CHCHD3: variants seen among roughly 807,000 people sequenced by gnomAD.
The protein encoded by CHCHD3 is MICOS complex subunit MIC19.
CHCHD3 carries 20 observed loss-of-function variants against 38.2 expected under a neutral mutation model. The observed-to-expected ratio is 0.52, with a 90% CI of 0.37 to 0.76. The LOEUF (loss-of-function observed/expected upper bound fraction) is 0.76, where lower values mean the gene tolerates loss of function less well. Among genes scored for constraint, CHCHD3 ranks in the 30% least tolerant of loss-of-function variants. The pLI is 0.00. For synonymous variants in CHCHD3, 82 were observed against 100.0 expected (o/e 0.82, Z 1.07); for missense variants, 245 against 279.2 (o/e 0.88, Z 0.87).
At chr7:133,049,190 A>G (rs1056381061) in intron 2 of CHCHD3, among the ~76,000 whole-genome samples, 1 of 152,230 alleles carries the variant, frequency 6.6e-6, no homozygotes, top group Admixed American at 6.5e-5. Flanking sequence ...AATTGCAGAC[A>G]TGATGCCTTT....
intron 4 of CHCHD3, among the ~76,000 whole-genome samples, chr7:132,886,695 A>G (rs549061980): frequency 1.6e-5 from 1 of 62,946 alleles, no homozygotes; most frequent in Admixed American, 2.3e-4. Flanking sequence ...CACACACTAT[A>G]TATAGATATA....
At chr7:132,813,759 G>A (rs1251676323) in intron 6 of CHCHD3, among the ~76,000 whole-genome samples, 1 of 152,186 alleles carries the variant, frequency 6.6e-6, no homozygotes, top group Non-Finnish European at 1.5e-5. Flanking sequence ...CATGAAGCTT[G>A]AAGGTACCCA....
chr7:132,889,692 T>C (rs1188230336), intron 4 of CHCHD3, among the ~76,000 whole-genome samples: 3 of 152,112 alleles, frequency 2.0e-5, no homozygotes, highest in Non-Finnish European at 4.4e-5. Flanking sequence ...GTAAGAAACA[T>C]GGCCACAACA....
chr7:132,987,931 A>G (rs1357717313), intron 3 of CHCHD3, among the ~76,000 whole-genome samples: 1 of 152,148 alleles, frequency 6.6e-6, no homozygotes, highest in Non-Finnish European at 1.5e-5. Flanking sequence ...TTAATAAATA[A>G]TAAATATATT....
At chr7:133,060,244 C>T (rs1361923452) in intron 2 of CHCHD3, among the ~76,000 whole-genome samples, 7 of 152,134 alleles carry the variant, frequency 4.6e-5, no homozygotes, top group Non-Finnish European at 1.0e-4. Flanking sequence ...TCTATAACGG[C>T]CTTGGCAAAG....
chr7:132,991,293 T>C (rs1413156233), intron 3 of CHCHD3, among the ~76,000 whole-genome samples: 1 of 152,182 alleles, frequency 6.6e-6, no homozygotes, highest in Non-Finnish European at 1.5e-5. Flanking sequence ...CATATTTCTT[T>C]CTGTTTGGCA....
At chr7:133,069,329 T>C (rs1467359334) in intron 2 of CHCHD3, among the ~76,000 whole-genome samples, 1 of 151,806 alleles carries the variant, frequency 6.6e-6, no homozygotes, top group African/African-American at 2.4e-5. Context: ...GGGGTCACAA[T>C]TGGCCCAAGT....
intron 4 of CHCHD3, among the ~76,000 whole-genome samples, chr7:132,901,012 GA>G (rs1409224771): frequency 1.3e-5 from 2 of 151,970 alleles, no homozygotes; most frequent in Non-Finnish European, 2.9e-5. Context: ...AACAGAGAGA[GA>G]AAAAAAGAAA....
intron 3 of CHCHD3, among the ~76,000 whole-genome samples, chr7:132,998,257 G>A (rs1320941205): frequency 6.6e-6 from 1 of 152,182 alleles, no homozygotes; most frequent in Non-Finnish European, 1.5e-5. Flanking sequence ...AGTTTAGGCT[G>A]CAATGAAATA....
intron 3 of CHCHD3, among the ~76,000 whole-genome samples, chr7:132,979,063 A>C (rs1811847090): frequency 6.6e-6 from 1 of 152,236 alleles, no homozygotes; most frequent in Admixed American, 6.5e-5. Context: ...TGTACAATCT[A>C]ATAAGCCTCA....
chr7:132,803,845 G>A (rs1471595789), intron 6 of CHCHD3, among the ~76,000 whole-genome samples: 1 of 144,010 alleles, frequency 6.9e-6, no homozygotes, highest in East Asian at 2.3e-4. Context: ...AATCTGGCAG[G>A]TGGAGAAAAA....
chr7:132,787,480 C>A (rs1354091867), intron 7 of CHCHD3, among the ~76,000 whole-genome samples: 3 of 151,796 alleles, frequency 2.0e-5, no homozygotes, highest in Admixed American at 6.6e-5. Context: ...ATGGGGCCAC[C>A]AAGAGAAACA....
At chr7:132,953,532 G>A (rs1037295198) in intron 4 of CHCHD3, among the ~76,000 whole-genome samples, 1 of 152,156 alleles carries the variant, frequency 6.6e-6, no homozygotes, top group East Asian at 1.9e-4. Context: ...GTCCACAGCT[G>A]AGCCTCCCTG....
chr7:132,800,987 T>C (rs1020522268), intron 6 of CHCHD3, among the ~76,000 whole-genome samples: 5 of 152,218 alleles, frequency 3.3e-5, no homozygotes, highest in Non-Finnish European at 5.9e-5. Flanking sequence ...GTCTAATTCC[T>C]ATAGCACAAT....
chr7:133,057,000 A>G (rs777130426), intron 2 of CHCHD3, among the ~76,000 whole-genome samples: 25 of 152,114 alleles, frequency 1.6e-4, no homozygotes, highest in Non-Finnish European at 8.8e-5. Flanking sequence ...TCCATTTCCC[A>G]TGTGAAGAAC....
At chr7:132,810,135 CATG>C (rs535877097) in intron 6 of CHCHD3, among the ~76,000 whole-genome samples, 55 of 152,320 alleles carry the variant, frequency 3.6e-4, no homozygotes, top group African/African-American at 1.3e-3. Context: ...ACTAATCACA[CATG>C]ATAACATTAT....
chr7:132,965,665 T>C (rs953840020), intron 4 of CHCHD3, among the ~76,000 whole-genome samples: 2 of 152,166 alleles, frequency 1.3e-5, no homozygotes, highest in Non-Finnish European at 2.9e-5. Context: ...AATATGTGCA[T>C]ACACTGGGCT....
At chr7:133,009,319 G>A (rs12707069) in intron 3 of CHCHD3, among the ~76,000 whole-genome samples, 52,395 of 145,796 alleles carry the variant, frequency 0.36, 9,585 homozygotes, top group Admixed American at 0.41. Flanking sequence ...AGCCAAGATC[G>A]CGCCACTGCA....
At chr7:133,034,210 G>T (rs547316967) in intron 2 of CHCHD3, among the ~76,000 whole-genome samples, 5 of 152,100 alleles carry the variant, frequency 3.3e-5, no homozygotes, top group South Asian at 4.2e-4. Flanking sequence ...GTTCAATAAG[G>T]CCATATCATG....
Sources: allele counts gnomAD v4.1 joint callset (sites outside exome capture counted in the v4.1 genomes callset), GRCh38; gene constraint gnomAD v4.1.1; transcripts MANE v1.5; gene names NCBI Gene and HGNC (gene_info 2026-07-23, HGNC 2026-07-21).